The following NEK1 variants were observed in gnomAD, a reference collection of about 807,000 sequenced individuals.
The protein encoded by NEK1 is serine/threonine-protein kinase Nek1.
NEK1 carries 137 observed loss-of-function variants against 182.1 expected under a neutral mutation model. That is an observed-to-expected ratio of 0.75 (90% CI 0.65 to 0.87). NEK1 has a LOEUF of 0.87. Ranked by LOEUF, NEK1 falls within the 40% of genes least tolerant of loss-of-function variation. NEK1 has a pLI of 0.00. For missense variants in NEK1, 1,391 were observed against 1,494.4 expected (o/e 0.93, Z 1.14); for synonymous variants, 513 against 492.2 (o/e 1.04, Z -0.56).
At chr4:169,494,637 G>T in intron 23 of NEK1, among the ~76,000 whole-genome samples, 1 of 152,138 alleles carries the variant, frequency 6.6e-6, no homozygotes, top group Non-Finnish European at 1.5e-5. Flanking sequence ...TGGGTCAAAT[G>T]GTATTTCTAG....
intron 29 of NEK1, among the ~76,000 whole-genome samples, chr4:169,427,373 G>A (rs897871523): frequency 3.9e-5 from 6 of 152,106 alleles, no homozygotes; most frequent in South Asian, 4.1e-4. Context: ...AGATCCGCCC[G>A]CCTCGGCCTC....
At position 169,463,310 on chromosome 4, in the gene NEK1, T is replaced by A; in HGVS notation, c.2520A>T (p.Leu840=). The change falls in exon 27 of 36, where the codon CTA becomes CTT. Residue 840 remains leucine, a synonymous_variant. Transcript: ENST00000507142. ...GTAGTTCAGCTTCTCCAAGTATCTT[T>A]AGAACAGAATCTGTCGGACTTTTCC... ...AWGKSPTDSV[L]KILGEAELQL... The A allele has an allele frequency of 6.2e-7, 1 of 1,609,310 alleles. No homozygotes were observed. The highest frequency in any genetic ancestry group is 8.5e-7 in the Non-Finnish European group (1 of 1,177,224).
rs372604613 is a variant in NEK1, at chr4:169,507,183, G to GT, written c.1912-52dup. 139,921 of 575,550 alleles carry GT rather than the reference G, an allele frequency of 0.24. 3,388 individuals are homozygous for GT. Among genetic ancestry groups the GT allele is most frequent in the East Asian group, 0.28 (6,663 of 23,632 alleles). 35.7% of individuals were successfully genotyped at this position (575,550 alleles called of 1,614,324 possible). A position where few individuals can be genotyped will look rare whatever the true frequency, so the allele number is the denominator to read the frequency against. On this transcript the variant is annotated intron_variant, in intron 22 of 35. Transcript: ENST00000507142. The stretch of plus-strand genomic sequence containing the variant: ...TGAGTTACCAGAAAGAAGGGCAGAG[G>GT]TTTTTTTTTTTTTTTTTGGGCCAGG...
chr4:169,406,595 C>T lies in NEK1; in HGVS notation c.3374+1G>A. 1.9e-6 allele frequency: 3 copies of T among 1,589,466 alleles called. No individual in the cohort carries two copies. The highest frequency in any genetic ancestry group is 2.6e-6 in the Non-Finnish European group (3 of 1,168,100). On this transcript the variant is annotated splice_donor_variant, in intron 32 of 35. Transcript: ENST00000507142. LOFTEE classifies it high-confidence loss of function. ...CTGTTTACTAATGACATTATACTTACATGTCTTCAGAATCAGAAGGTCCTT... is the reference window on the plus strand; with the variant it reads ...CTGTTTACTAATGACATTATACTTATATGTCTTCAGAATCAGAAGGTCCTT...
chr4:169,549,176 G>A (rs779268049), intron 18 of NEK1, among the ~76,000 whole-genome samples: 13 of 152,156 alleles, frequency 8.5e-5, no homozygotes, highest in South Asian at 2.1e-4. Context: ...CAGAGTGCAC[G>A]GTACAGTTCC....
chr4:169,406,016 GAACTT>G (rs2111091963), intron 32 of NEK1, among the ~76,000 whole-genome samples: 1 of 152,052 alleles, frequency 6.6e-6, no homozygotes, highest in South Asian at 2.1e-4. Flanking sequence ...AGAATCGCTT[GAACTT>G]GGGAGGCAGA....
chr4:169,466,987 C>T (rs144803003), intron 26 of NEK1, among the ~76,000 whole-genome samples: 82 of 152,140 alleles, frequency 5.4e-4, no homozygotes, highest in African/African-American at 1.8e-3. Flanking sequence ...ACCCCTCAGA[C>T]GCCAAGACCA....
At chr4:169,585,286 G>C in intron 10 of NEK1, 63 bp downstream of exon 10, 2 of 1,205,466 alleles carry the variant, frequency 1.7e-6, no homozygotes, top group Non-Finnish European at 2.4e-6. Context: ...CTCAACACTG[G>C]AGGCCATGTC....
chr4:169,480,510 T>TAAA (rs58933123), intron 23 of NEK1, among the ~76,000 whole-genome samples: 19,863 of 99,802 alleles, frequency 0.2, 1,721 homozygotes, highest in African/African-American at 0.22. Context: ...ACCTCATTCC[T>TAAA]AAAAAAAAAA....
Position 169,413,357 on chromosome 4 carries a change from G to C in NEK1, c.3223-6610C>G, listed in dbSNP as rs115289690. 8.8e-3 allele frequency among the ~76,000 whole-genome samples: 1,343 copies of C among 151,994 alleles called. 21 individuals are homozygous for C. The highest frequency in any genetic ancestry group is 0.03 in the African/African-American group (1,262 of 41,456). On this transcript the variant is annotated intron_variant, in intron 31 of 35. Coordinates refer to ENST00000507142, the MANE Select transcript of NEK1 (RefSeq NM_001199397.3). ...TGGCTAATTTTAAAATGTTTTTGTA[G>C]AGGTGGGGGCTAACTATGTTGCTCA...
intron 32 of NEK1, among the ~76,000 whole-genome samples, chr4:169,405,482 A>C (rs1323723018): frequency 6.6e-6 from 1 of 152,028 alleles, no homozygotes; most frequent in Non-Finnish European, 1.5e-5. Flanking sequence ...TAAATTTATC[A>C]ATTTATTTTT....
At chr4:169,475,182 C>T (rs976243448) in intron 26 of NEK1, among the ~76,000 whole-genome samples, 1 of 152,044 alleles carries the variant, frequency 6.6e-6, no homozygotes, top group African/African-American at 2.4e-5. Flanking sequence ...AAAGAGAATT[C>T]CAGAGACCTG....
intron 16 of NEK1, 54 bp downstream of exon 16, chr4:169,561,426 G>A: frequency 6.9e-7 from 1 of 1,451,804 alleles, no homozygotes; most frequent in East Asian, 2.3e-5. Context: ...TATAGAACAA[G>A]GTGGAACTGG....
At chr4:169,498,420 G>C (rs1164832412) in intron 23 of NEK1, among the ~76,000 whole-genome samples, 7 of 152,168 alleles carry the variant, frequency 4.6e-5, no homozygotes, top group African/African-American at 1.4e-4. Flanking sequence ...GGTTAATATT[G>C]TTATGTGTGA....
intron 18 of NEK1, among the ~76,000 whole-genome samples, chr4:169,547,939 T>C (rs1427861692): frequency 1.1e-4 from 17 of 152,196 alleles, no homozygotes; most frequent in Admixed American, 1.1e-3. Flanking sequence ...TCAAAGGAGT[T>C]TGTTATTACC....
chr4:169,417,877 T>C (rs1296483258), intron 31 of NEK1, among the ~76,000 whole-genome samples: 1 of 152,240 alleles, frequency 6.6e-6, no homozygotes, highest in Non-Finnish European at 1.5e-5. Context: ...ATCTGGACTT[T>C]GGGTGCAGCC....
chr4:169,507,894 T>TA, intron 21 of NEK1, 102 bp from the exon 22 acceptor site: 1 of 898,956 alleles, frequency 1.1e-6, no homozygotes, highest in South Asian at 1.6e-5. Context: ...TCTAAAAATA[T>TA]AAAATGGAAA....
At chr4:169,419,600 C>T (rs962113673) in intron 31 of NEK1, among the ~76,000 whole-genome samples, 6 of 152,084 alleles carry the variant, frequency 3.9e-5, no homozygotes, top group Admixed American at 3.9e-4. Context: ...CCACGAAGGA[C>T]AGGCAGGACG....
At chr4:169,405,437 T>C (rs1388936949) in intron 32 of NEK1, among the ~76,000 whole-genome samples, 1 of 152,206 alleles carries the variant, frequency 6.6e-6, no homozygotes, top group Non-Finnish European at 1.5e-5. Flanking sequence ...TACACTACTA[T>C]AGACTTATAA....
Sources: allele counts gnomAD v4.1 joint callset (sites outside exome capture counted in the v4.1 genomes callset), GRCh38; gene constraint gnomAD v4.1.1; transcripts MANE v1.5; gene names NCBI Gene and HGNC (gene_info 2026-07-23, HGNC 2026-07-21).